The following RPTOR variants were observed in gnomAD, a reference collection of about 807,000 sequenced individuals.
RPTOR encodes the protein regulatory associated protein of MTOR complex 1.
Under a neutral mutation model 169.9 loss-of-function variants are expected in RPTOR, and 21 were observed. The ratio of observed to expected loss-of-function variants is 0.12; its 90% CI spans 0.09 to 0.18. RPTOR has a LOEUF of 0.18. Among genes scored for constraint, RPTOR ranks in the 10% least tolerant of loss-of-function variants. The pLI, the probability that RPTOR is intolerant of heterozygous loss-of-function variation, is 1.00. For missense variants in RPTOR, 1,133 were observed against 1,855.9 expected (o/e 0.61, Z 7.16); for synonymous variants, 732 against 753.2 (o/e 0.97, Z 0.46).
intron 1 of RPTOR, among the ~76,000 whole-genome samples, chr17:80,584,405 T>G (rs1394123000): frequency 6.6e-6 from 1 of 151,988 alleles, no homozygotes; most frequent in Non-Finnish European, 1.5e-5. Flanking sequence ...CATAAATAAC[T>G]GCCTTTCAAG....
Position 80,875,662 on chromosome 17 carries a change from C to T in RPTOR, c.1510-4753C>T, listed in dbSNP as rs148774598. Among the ~76,000 whole-genome samples the T allele has an allele frequency of 2.6e-3, 389 of 152,228 alleles. 1 individual carries two copies. The highest frequency in any genetic ancestry group is 8.9e-3 in the African/African-American group (369 of 41,546). On this transcript the variant is annotated intron_variant, in intron 13 of 33. Coordinates refer to ENST00000306801, the MANE Select transcript of RPTOR (RefSeq NM_020761.3). ...GTTCATCTGAGCCCCGAGTCTCTGCCGGGTCTTCCACCAAGCCCCTCCGCC... is the reference window on the plus strand; with the variant it reads ...GTTCATCTGAGCCCCGAGTCTCTGCTGGGTCTTCCACCAAGCCCCTCCGCC...
intron 3 of RPTOR, among the ~76,000 whole-genome samples, chr17:80,700,606 GAT>G: frequency 6.7e-6 from 1 of 149,832 alleles, no homozygotes; most frequent in African/African-American, 2.5e-5. Context: ...TGATGGTGAT[GAT>G]GGTGATGGTG....
chr17:80,689,367 G>A (rs751561546), intron 3 of RPTOR, among the ~76,000 whole-genome samples: 2 of 152,210 alleles, frequency 1.3e-5, no homozygotes, highest in African/African-American at 2.4e-5. Flanking sequence ...TAGCAGGGGC[G>A]GAGGACGCCA....
chr17:80,896,430 A>C (rs879887414), intron 20 of RPTOR, among the ~76,000 whole-genome samples: 1 of 105,406 alleles, frequency 9.5e-6, no homozygotes, highest in African/African-American at 4.1e-5. Context: ...CGGCCTCGCC[A>C]ACACCCCACG....
chr17:80,932,733 C>T (rs78943898), intron 24 of RPTOR, among the ~76,000 whole-genome samples: 2 of 152,316 alleles, frequency 1.3e-5, no homozygotes, highest in East Asian at 3.9e-4. Flanking sequence ...CTGAGAGCTT[C>T]AGGACAGTAC....
rs2143744324 is a variant in RPTOR at position 80,855,450 on chromosome 17, T to C, written c.1315-14T>C. ...ATGGTTTGCAGTGATACCATTTTCT[T>C]CTTGTTCTTCCAGGTGCTGTTAAGC... On this transcript the variant is annotated splice_polypyrimidine_tract_variant and intron_variant, in intron 11 of 33. Coordinates refer to ENST00000306801, the MANE Select transcript of RPTOR (RefSeq NM_020761.3). 1 of 1,607,014 alleles carries C rather than the reference T, an allele frequency of 6.2e-7. No homozygotes were observed. The highest frequency in any genetic ancestry group is 8.5e-7 in the Non-Finnish European group (1 of 1,173,574).
chr17:80,586,189 A>G (rs977064134), intron 1 of RPTOR, among the ~76,000 whole-genome samples: 4 of 152,174 alleles, frequency 2.6e-5, no homozygotes, highest in African/African-American at 7.2e-5. Flanking sequence ...ATTAACTTCT[A>G]CTTCAACCCA....
At chr17:80,663,795 G>A (rs1258710869) in intron 3 of RPTOR, among the ~76,000 whole-genome samples, 1 of 151,916 alleles carries the variant, frequency 6.6e-6, no homozygotes, top group Non-Finnish European at 1.5e-5. Flanking sequence ...ATTGGGCCTT[G>A]TGCCTTCCTC....
chr17:80,650,435 G>A (rs879789075), intron 3 of RPTOR, among the ~76,000 whole-genome samples: 1 of 152,186 alleles, frequency 6.6e-6, no homozygotes, highest in Non-Finnish European at 1.5e-5. Context: ...TCCCTTTCTG[G>A]GCGGGAGCGC....
At chr17:80,669,359 C>T (rs1431356286) in intron 3 of RPTOR, among the ~76,000 whole-genome samples, 3 of 152,228 alleles carry the variant, frequency 2.0e-5, no homozygotes, top group Middle Eastern at 3.2e-3. Context: ...ACTTCCCTGA[C>T]CTCATCCCTG....
chr17:80,782,677 G>A (rs553360415), intron 6 of RPTOR, among the ~76,000 whole-genome samples: 1 of 152,282 alleles, frequency 6.6e-6, no homozygotes, highest in Non-Finnish European at 1.5e-5. Flanking sequence ...AGCAGCCCTG[G>A]CTCTCAAGGG....
chr17:80,677,069 C>T (rs1400645229), intron 3 of RPTOR, among the ~76,000 whole-genome samples: 1 of 152,200 alleles, frequency 6.6e-6, no homozygotes, highest in Admixed American at 6.5e-5. Flanking sequence ...AGGCTGCTCT[C>T]AGGGGCACGC....
At chr17:80,679,818 C>A (rs1177193853) in intron 3 of RPTOR, among the ~76,000 whole-genome samples, 1 of 152,236 alleles carries the variant, frequency 6.6e-6, no homozygotes, top group Non-Finnish European at 1.5e-5. Context: ...CACAGCCTTC[C>A]TTTCTCTGCT....
rs1416448048 is a variant in RPTOR, at chr17:80,695,022, G to A, written c.349-12819G>A. Among the ~76,000 whole-genome samples the A allele has an allele frequency of 6.6e-6, 1 of 152,192 alleles. No homozygotes were observed. The highest frequency in any genetic ancestry group is 1.9e-4 in the East Asian group (1 of 5,182). On this transcript the variant is annotated intron_variant, in intron 3 of 33. Coordinates refer to ENST00000306801, the MANE Select transcript of RPTOR (RefSeq NM_020761.3). The surrounding 1 kb of genome is among the most constrained non-coding windows in gnomAD (Gnocchi z 4.9). ...ATCAGGGTAGTGAGCAGGAAGCCTG[G>A]GGGCTGAGCTGGGCTGCCTGGCTTT...
intron 2 of RPTOR, among the ~76,000 whole-genome samples, chr17:80,634,219 TGC>T (rs1567830264): frequency 2.9e-4 from 42 of 142,422 alleles, no homozygotes; most frequent in African/African-American, 1.0e-3. Context: ...GCATACTGTG[TGC>T]GTGTGTGTAC....
intron 21 of RPTOR, among the ~76,000 whole-genome samples, chr17:80,912,982 C>G (rs7225616): frequency 0.25 from 38,580 of 152,082 alleles, 5,931 homozygotes; most frequent in Middle Eastern, 0.34. Flanking sequence ...TAGCACAATG[C>G]AGCATGAGCT....
rs543753346 is a variant in RPTOR at position 80,756,347 on chromosome 17, T to C, written c.830+2162T>C. ...CAGAACTGTAAGAAAGAAGTTTCTT[T>C]ACTTAGATGAAGAGAAGCTGCTTGA... On this transcript the variant is annotated intron_variant, in intron 6 of 33. Transcript: ENST00000306801. Among the ~76,000 whole-genome samples, 10 of 152,366 alleles carry C rather than the reference T, an allele frequency of 6.6e-5. No homozygotes were observed. The South Asian group carries it at 1.4e-3, about 22-fold the overall frequency.
At chr17:80,734,945 A>G (rs1567881776) in intron 5 of RPTOR, among the ~76,000 whole-genome samples, 1 of 152,206 alleles carries the variant, frequency 6.6e-6, no homozygotes, top group Admixed American at 6.5e-5. Flanking sequence ...GAAGCACACC[A>G]AAGTCTGTGT....
intron 6 of RPTOR, among the ~76,000 whole-genome samples, chr17:80,780,582 C>G (rs1025642917): frequency 6.6e-6 from 1 of 152,106 alleles, no homozygotes; most frequent in African/African-American, 2.4e-5. Flanking sequence ...CGGATGTTGT[C>G]CAGTCAGAGC....
Sources: allele counts gnomAD v4.1 joint callset (sites outside exome capture counted in the v4.1 genomes callset), GRCh38; gene constraint gnomAD v4.1.1; non-coding constraint Gnocchi (gnomAD v3.1); transcripts MANE v1.5; gene names NCBI Gene and HGNC (gene_info 2026-07-23, HGNC 2026-07-21).